The following GTF2I variants were observed in gnomAD, a reference collection of about 807,000 sequenced individuals.
GTF2I encodes the protein general transcription factor IIi.
A neutral mutation model predicts 67.6 loss-of-function variants in GTF2I; 12 were observed. That is an observed-to-expected ratio of 0.18 (90% confidence interval 0.11 to 0.29). The LOEUF (loss-of-function observed/expected upper bound fraction) is 0.29, where lower values mean the gene tolerates loss of function less well. Among genes scored for constraint, GTF2I ranks in the 10% least tolerant of loss-of-function variants. The pLI, the probability that GTF2I is intolerant of heterozygous loss-of-function variation, is 1.00. For missense variants in GTF2I, 271 were observed against 580.1 expected, an observed-to-expected ratio of 0.47 and a Z score of 5.47; for synonymous variants, 149 against 197.0, an observed-to-expected ratio of 0.76 and a Z score of 2.04.
intron 1 of GTF2I, among the ~76,000 whole-genome samples, chr7:74,661,682 A>AAAAAAAT (rs1804512274): frequency 6.6e-6 from 1 of 150,566 alleles, no homozygotes; most frequent in Non-Finnish European, 1.5e-5. Flanking sequence ...TGTGTCTCAA[A>AAAAAAAT]AAAAATAAAA....
intron 12 of GTF2I, among the ~76,000 whole-genome samples, chr7:74,720,774 G>T (rs1253075767): frequency 1.4e-5 from 2 of 146,536 alleles, no homozygotes; most frequent in African/African-American, 5.1e-5. Flanking sequence ...ACAGAGTCTG[G>T]CTCTGTCGCC....
At position 74,706,896 on chromosome 7, in the gene GTF2I, A is replaced by G. The variant is rs139525376; in HGVS notation, c.685+463A>G. On this transcript the variant is annotated intron_variant, in intron 8 of 34. Coordinates refer to ENST00000573035, the MANE Select transcript of GTF2I (RefSeq NM_032999.4). The stretch of plus-strand genomic sequence containing the variant: ...GATGGAGTCTTGCTTTGTCACCCAG[A>G]CTGAAGTGCAGTGGCACGACCTCGG... Among the ~76,000 whole-genome samples, 749 of 152,204 alleles carry G rather than the reference A, an allele frequency of 4.9e-3. 11 individuals carry two copies. The highest frequency in any genetic ancestry group is 0.016 in the African/African-American group (675 of 41,522).
intron 1 of GTF2I, among the ~76,000 whole-genome samples, chr7:74,676,225 C>A (rs1805894599): frequency 1.3e-5 from 2 of 152,076 alleles, no homozygotes; most frequent in Admixed American, 1.3e-4. Context: ...ATAAACTTAT[C>A]AAGATATGAA....
chr7:74,688,442 T>C (rs1020188391), intron 1 of GTF2I, among the ~76,000 whole-genome samples: 2 of 152,066 alleles, frequency 1.3e-5, no homozygotes, highest in Non-Finnish European at 2.9e-5. Context: ...AACATAAAAT[T>C]TACACTTCTA....
chr7:74,706,683 T>TTC (rs1440556840), intron 8 of GTF2I, among the ~76,000 whole-genome samples: 1 of 152,086 alleles, frequency 6.6e-6, no homozygotes, highest in Non-Finnish European at 1.5e-5. Context: ...TATTTTTTTT[T>TTC]CCCGTTGTAC....
chr7:74,711,073 TC>T lies in GTF2I; in HGVS notation c.728del (p.Ser243Ter). ...EMAAVTVKEE[S>X]EDPDYYQYNI... ...GGCAGCTGTGACAGTAAAGGAAGAA[TC>T]AGAAGATCCTGATTATTATCAATAT... On this transcript the variant is annotated frameshift_variant, in exon 9 of 35. Coordinates refer to ENST00000573035, the MANE Select transcript of GTF2I (RefSeq NM_032999.4). LOFTEE classifies it high-confidence loss of function. 1 of 1,536,954 alleles carries T rather than the reference TC, an allele frequency of 6.5e-7. No homozygotes were observed. Among genetic ancestry groups the T allele is most frequent in the South Asian group, 1.2e-5 (1 of 83,518 alleles).
intron 1 of GTF2I, among the ~76,000 whole-genome samples, chr7:74,686,889 G>GT (rs1234126085): frequency 1.1e-4 from 16 of 149,272 alleles, no homozygotes; most frequent in Admixed American, 2.7e-4. Flanking sequence ...TGTTTGTTTT[G>GT]TTTTTGTTTT....
In GTF2I at chr7:74,743,445, CCAGT is replaced by C. The variant is rs1795187253; in HGVS notation, c.1679-1_1681del. The C allele has an allele frequency of 1.9e-6, 1 of 539,688 alleles. No individual in the cohort carries two copies. Among genetic ancestry groups the C allele is most frequent in the Non-Finnish European group, 3.5e-6 (1 of 289,112 alleles). The allele number at this position is 539,688 out of a possible 1,614,324, so 33.4% of individuals were successfully genotyped here. A position where few individuals can be genotyped will look rare whatever the true frequency, so the allele number is the denominator to read the frequency against. ...TGGTTATTGGGTTTCTTTTTGTTTT[CCAGT>C]CAAAGAAGATTGGAATGTCAGAATT... On this transcript the variant is annotated splice_acceptor_variant and splice_polypyrimidine_tract_variant and coding_sequence_variant and intron_variant, in exon 20 of 35. Transcript: ENST00000573035. LOFTEE classifies it high-confidence loss of function.
At chr7:74,697,695 A>C (rs1789076610) in intron 3 of GTF2I, among the ~76,000 whole-genome samples, 2 of 152,210 alleles carry the variant, frequency 1.3e-5, no homozygotes, top group Non-Finnish European at 2.9e-5. Flanking sequence ...TCACCATTTC[A>C]TATTACTTTC....
Position 74,716,934 on chromosome 7 carries a change from G to A in GTF2I, c.864G>A (p.Met288Ile). ...CAGAGGGCAATGAAGGCACAGAAATGGAAGTACCAGCAGAAGGTTAGGAGA... is the reference window on the plus strand; with the variant it reads ...CAGAGGGCAATGAAGGCACAGAAATAGAAGTACCAGCAGAAGGTTAGGAGA... ...HSSEGNEGTE[M>I]EVPAEDSTQH... The change falls in exon 11 of 35, where the codon ATG becomes ATA. Residue 288 changes from methionine to isoleucine, a missense_variant. Met to Ile is a conservative substitution (Grantham distance 10). This residue lies in a region of GTF2I where 124 missense variants were observed against 147.0 expected (regional missense o/e 0.84). Transcript: ENST00000573035. The A allele has an allele frequency of 3.1e-6, 5 of 1,607,048 alleles. No individual in the cohort carries two copies. The highest frequency in any genetic ancestry group is 4.3e-6 in the Non-Finnish European group (5 of 1,175,882).
At chr7:74,723,831 G>A (rs1209868478) in intron 12 of GTF2I, among the ~76,000 whole-genome samples, 1 of 151,630 alleles carries the variant, frequency 6.6e-6, no homozygotes, top group African/African-American at 2.4e-5. Flanking sequence ...TAGGAAACGT[G>A]GTGACTATGT....
chr7:74,669,197 T>TTTAG (rs1191883973), intron 1 of GTF2I, among the ~76,000 whole-genome samples: 2 of 151,482 alleles, frequency 1.3e-5, no homozygotes, highest in Non-Finnish European at 2.9e-5. Flanking sequence ...AATCTTTTAG[T>TTTAG]TTAGTTTGTA....
intron 1 of GTF2I, among the ~76,000 whole-genome samples, chr7:74,663,159 T>C (rs191736784): frequency 7.6e-4 from 116 of 152,366 alleles, no homozygotes; most frequent in African/African-American, 2.7e-3. Flanking sequence ...ATGACATGAA[T>C]GTTTTATATA....
At chr7:74,668,111 C>T (rs1394782148) in intron 1 of GTF2I, among the ~76,000 whole-genome samples, 3 of 149,564 alleles carry the variant, frequency 2.0e-5, no homozygotes, top group Non-Finnish European at 4.4e-5. Flanking sequence ...GGATTACAGG[C>T]GTGAGCCACC....
At chr7:74,704,263 A>T (rs992111043) in intron 6 of GTF2I, among the ~76,000 whole-genome samples, 7 of 81,114 alleles carry the variant, frequency 8.6e-5, no homozygotes, top group East Asian at 4.8e-4. Context: ...AAACTTAATT[A>T]TTATTTTTAT....
intron 1 of GTF2I, among the ~76,000 whole-genome samples, chr7:74,664,607 T>C (rs1009472296): frequency 4.6e-5 from 7 of 152,016 alleles, no homozygotes; most frequent in Non-Finnish European, 5.9e-5. Flanking sequence ...CTAATTTTTG[T>C]ATTTTTAGTA....
At position 74,700,254 on chromosome 7, in the gene GTF2I, T is replaced by G; in HGVS notation, c.381T>G (p.Ala127=). Residue 127 remains alanine (A), a synonymous_variant, in exon 5 of 35, where the codon GCT becomes GCG. Transcript: ENST00000573035. ...EDYFCFCYGK[A]LGKSTVVPVP... is the part of the protein sequence containing the mutation. ...GCTTTTCATCTGCCCCAGGGAAAGCTTTAGGCAAATCCACAGTGGTACCTG... is the reference window on the plus strand; with the variant it reads ...GCTTTTCATCTGCCCCAGGGAAAGCGTTAGGCAAATCCACAGTGGTACCTG... The G allele has an allele frequency of 6.2e-7, 1 of 1,614,110 alleles. No individual in the cohort carries two copies. Among genetic ancestry groups the G allele is most frequent in the Non-Finnish European group, 8.5e-7 (1 of 1,180,006 alleles).
chr7:74,705,783 C>T (rs1008898294), intron 7 of GTF2I, among the ~76,000 whole-genome samples: 1 of 151,122 alleles, frequency 6.6e-6, no homozygotes, highest in Admixed American at 6.6e-5. Context: ...AGGCTGGTCT[C>T]GAACTCCTGA....
At chr7:74,673,017 C>T (rs587595954) in intron 1 of GTF2I, among the ~76,000 whole-genome samples, 38 of 152,032 alleles carry the variant, frequency 2.5e-4, no homozygotes, top group East Asian at 1.9e-3. Context: ...CGTGCCACCA[C>T]GCCCGGCTAA....
Sources: allele counts gnomAD v4.1 joint callset (sites outside exome capture counted in the v4.1 genomes callset), GRCh38; gene constraint gnomAD v4.1.1; regional missense constraint gnomAD v4.1.1; transcripts MANE v1.5; gene names NCBI Gene and HGNC (gene_info 2026-07-23, HGNC 2026-07-21).